The following KDELR1 variants were observed in gnomAD, a reference collection of about 807,000 sequenced individuals.
The protein encoded by KDELR1 is ER lumen protein-retaining receptor 1.
Under a neutral mutation model 25.5 loss-of-function variants are expected in KDELR1, and 16 were observed. The ratio of observed to expected loss-of-function variants is 0.63; its 90% confidence interval spans 0.43 to 0.95. The LOEUF is 0.95. Ranked by LOEUF, KDELR1 falls within the 40% of genes least tolerant of loss-of-function variation. The pLI is 0.00. For missense variants in KDELR1, 159 were observed against 265.2 expected (o/e 0.60, Z 2.78); for synonymous variants, 121 against 115.0 (o/e 1.05, Z -0.33).
At chr19:48,396,297 G>C (rs276712), upstream of KDELR1, among the ~76,000 whole-genome samples, 32,907 of 151,940 alleles carry the variant, frequency 0.22, 3,859 homozygotes, top group East Asian at 0.35. Flanking sequence ...GCCCTGGAGT[G>C]GGGGAGGCTG....
At chr19:48,394,514 C>T (rs1970610361), upstream of KDELR1, among the ~76,000 whole-genome samples, 1 of 133,658 alleles carries the variant, frequency 7.5e-6, no homozygotes, top group African/African-American at 2.9e-5. The surrounding 1 kb of genome is among the most constrained non-coding windows in gnomAD (Gnocchi z 5.1). Flanking sequence ...AGAGGCGGGA[C>T]TGGACACATG....
upstream of KDELR1, among the ~76,000 whole-genome samples, chr19:48,394,193 G>A (rs1260371311): frequency 6.7e-6 from 1 of 149,052 alleles, no homozygotes; most frequent in East Asian, 1.9e-4. The surrounding 1 kb of genome is among the most constrained non-coding windows in gnomAD (Gnocchi z 5.1). Context: ...GTGTGTGTGT[G>A]TCTGTGTGTG....
chr19:48,387,669 A>G (rs1970507194), intron 3 of KDELR1: 1 of 150,282 alleles, frequency 6.7e-6, no homozygotes, highest in Admixed American at 6.7e-5. Flanking sequence ...CGACAGAATG[A>G]GAGTCCATCT....
Position 48,383,045 on chromosome 19 carries a change from T to C in KDELR1, c.*248A>G. ...GTAGAAGAAAAACGAGTCATCAGAA[T>C]CAAAAACTAAAGAGTGGAAAGATTT... On this transcript the variant is annotated 3_prime_UTR_variant, in exon 5 of 5. Coordinates refer to ENST00000330720, the MANE Select transcript of KDELR1 (RefSeq NM_006801.3). The C allele has an allele frequency of 1.8e-6, 1 of 563,608 alleles. No homozygotes were observed. The highest frequency in any genetic ancestry group is 3.0e-5 in the East Asian group (1 of 33,304). 34.9% of individuals were successfully genotyped at this position (563,608 alleles called of 1,614,324 possible).
chr19:48,387,981 C>G (rs1167970662), intron 3 of KDELR1, among the ~76,000 whole-genome samples: 1 of 152,184 alleles, frequency 6.6e-6, no homozygotes, highest in Non-Finnish European at 1.5e-5. Flanking sequence ...GAATAAAAAT[C>G]ATTAACAGCG....
intron 3 of KDELR1, among the ~76,000 whole-genome samples, chr19:48,387,486 C>T (rs1369259851): frequency 1.3e-5 from 2 of 151,910 alleles, no homozygotes; most frequent in African/African-American, 4.8e-5. Flanking sequence ...AGTTCAAGAC[C>T]AGCCTGTCAA....
chr19:48,383,403 C>A, intron 4 of KDELR1, 76 bp from the exon 5 acceptor site: 1 of 1,357,614 alleles, frequency 7.4e-7, no homozygotes. Context: ...ACAGCCAGAG[C>A]AGGGCAGGCA....
At position 48,391,407 on chromosome 19, in the gene KDELR1, G is replaced by T; in HGVS notation, c.-49C>A. 1 of 1,475,520 alleles carries T rather than the reference G, an allele frequency of 6.8e-7. No homozygotes were observed. Among genetic ancestry groups the T allele is most frequent in the African/African-American group, 1.4e-5 (1 of 71,622 alleles). 91.4% of individuals were successfully genotyped at this position (1,475,520 alleles called of 1,614,324 possible). A position where few individuals can be genotyped will look rare whatever the true frequency, so the allele number is the denominator to read the frequency against. On this transcript the variant is annotated 5_prime_UTR_variant, in exon 1 of 5. Transcript: ENST00000330720. ...GAGCGGGAGGGAGGCAGGCTGGCGG[G>T]GGGGTGCCCCCCGAGGCTGCTGGTC...
upstream of KDELR1, chr19:48,391,627 C>T (rs1444565657): frequency 1.3e-5 from 6 of 477,376 alleles, no homozygotes; most frequent in African/African-American, 9.9e-5. Flanking sequence ...ATCCCCGGCG[C>T]CCCCTATCGC....
chr19:48,397,282 TTCTC>T, the KDELR1 span, among the ~76,000 whole-genome samples: 5 of 151,990 alleles, frequency 3.3e-5, no homozygotes, highest in Non-Finnish European at 4.4e-5. Context: ...CCCCACTAAT[TTCTC>T]TCTTTCTCTC....
At position 48,384,657 on chromosome 19, in the gene KDELR1, A is replaced by G. The variant is rs1320682879; in HGVS notation, c.352-175T>C. Among the ~76,000 whole-genome samples, 1 of 152,140 alleles carries G rather than the reference A, an allele frequency of 6.6e-6. No homozygotes were observed. Among genetic ancestry groups the G allele is most frequent in the African/African-American group, 2.4e-5 (1 of 41,408 alleles). ...TACTGGTACCTCTGATTTAATCATCACCATGGCCCGGCGAGGAGATCCTAT... is the reference window on the plus strand; with the variant it reads ...TACTGGTACCTCTGATTTAATCATCGCCATGGCCCGGCGAGGAGATCCTAT... On this transcript the variant is annotated intron_variant, in intron 3 of 4. Coordinates refer to ENST00000330720, the MANE Select transcript of KDELR1 (RefSeq NM_006801.3). The surrounding 1 kb of genome is among the most constrained non-coding windows in gnomAD (Gnocchi z 4.6).
rs376885514 is a variant in KDELR1 at position 48,391,396 on chromosome 19, C to A, written c.-38G>T. On this transcript the variant is annotated 5_prime_UTR_variant, in exon 1 of 5. Coordinates refer to ENST00000330720, the MANE Select transcript of KDELR1 (RefSeq NM_006801.3). ...CTGGCAGGGCTGAGCGGGAGGGAGG[C>A]AGGCTGGCGGGGGGGTGCCCCCCGA... The A allele has an allele frequency of 5.3e-6, 8 of 1,519,032 alleles. No individual in the cohort carries two copies. The African/African-American group carries it at 6.9e-5, about 13-fold the overall frequency. 94.1% of individuals were successfully genotyped at this position (1,519,032 alleles called of 1,614,324 possible). A position where few individuals can be genotyped will look rare whatever the true frequency, so the allele number is the denominator to read the frequency against.
Position 48,391,452 on chromosome 19 carries a change from G to C in KDELR1, c.-94C>G, listed in dbSNP as rs1010111761. 3.0e-6 allele frequency: 3 copies of C among 1,009,622 alleles called. No individual in the cohort carries two copies. Among genetic ancestry groups the C allele is most frequent in the Non-Finnish European group, 4.5e-6 (3 of 662,718 alleles). The allele number at this position is 1,009,622 out of a possible 1,614,324, so 62.5% of individuals were successfully genotyped here. A position where few individuals can be genotyped will look rare whatever the true frequency, so the allele number is the denominator to read the frequency against. On this transcript the variant is annotated 5_prime_UTR_variant, in exon 1 of 5. Coordinates refer to ENST00000330720, the MANE Select transcript of KDELR1 (RefSeq NM_006801.3). ...CTGGTCTGAACGGGTAGCTGGGCTG[G>C]GGGGACGGAAGAGGGACCCTAGGTG...
chr19:48,390,659 C>G, intron 1 of KDELR1, 135 bp from the exon 2 acceptor site: 1 of 635,606 alleles, frequency 1.6e-6, no homozygotes, highest in Non-Finnish European at 2.7e-6. Flanking sequence ...GGCAGGGCGC[C>G]CGGGACCAGC....
intron 3 of KDELR1, among the ~76,000 whole-genome samples, chr19:48,385,584 GGAA>G (rs1180581937): frequency 6.6e-6 from 1 of 152,172 alleles, no homozygotes; most frequent in African/African-American, 2.4e-5. Context: ...CATGGGACAG[GGAA>G]GAAGACATCT....
chr19:48,384,292 A>T lies in KDELR1; in HGVS notation c.542T>A (p.Ile181Asn). 6.2e-7 allele frequency: 1 copy of T among 1,614,236 alleles called. No individual in the cohort carries two copies. Among genetic ancestry groups the T allele is most frequent in the Non-Finnish European group, 8.5e-7 (1 of 1,180,044 alleles). The part of the protein sequence containing the change: ...HFEGFFDLIA[I>N]VAGLVQTVLY... ...GACTGTCTGGACCAGGCCTGCCACA[A>T]TGGCGATGAGGTCGAAGAAGCCCTC... The change falls in exon 4 of 5, where the codon ATT becomes AAT. Residue 181 changes from isoleucine to asparagine, a missense_variant. Physicochemically the swap from Ile to Asn is moderately radical, Grantham distance 149. Transcript: ENST00000330720. The surrounding 1 kb of genome is among the most constrained non-coding windows in gnomAD (Gnocchi z 4.6).
rs377235977 is a variant in KDELR1 at position 48,390,391 on chromosome 19, G to T, written c.192+33C>A. 61 of 1,504,962 alleles carry T rather than the reference G, an allele frequency of 4.1e-5. No homozygotes were observed. In the African/African-American group the frequency reaches 7.6e-4, roughly 19 times the overall value. 93.2% of individuals were successfully genotyped at this position (1,504,962 alleles called of 1,614,324 possible). A position where few individuals can be genotyped will look rare whatever the true frequency, so the allele number is the denominator to read the frequency against. ...ACCCACACCCGGCTCCTCTGCCTCA[G>T]TGGGGGCCAGAGAGGTGGGGTGGAG... On this transcript the variant is annotated intron_variant, in intron 2 of 4. Transcript: ENST00000330720.
At chr19:48,394,235 G>A (rs947297758), upstream of KDELR1, among the ~76,000 whole-genome samples, 6 of 151,980 alleles carry the variant, frequency 3.9e-5, no homozygotes, top group South Asian at 1.2e-3. This position sits in a 1 kb window ranked among gnomAD's most constrained non-coding sequence, Gnocchi z 5.1. Flanking sequence ...GGTGTTGAGG[G>A]GGAATCCCAG....
intron 1 of KDELR1, chr19:48,390,800 C>T (rs1569053576): frequency 4.2e-6 from 2 of 477,524 alleles, no homozygotes; most frequent in Admixed American, 7.0e-5. Context: ...CCCGAGGCTC[C>T]GTCCCAGACT....
Sources: allele counts gnomAD v4.1 joint callset (sites outside exome capture counted in the v4.1 genomes callset), GRCh38; gene constraint gnomAD v4.1.1; non-coding constraint Gnocchi (gnomAD v3.1); transcripts MANE v1.5; gene names NCBI Gene and HGNC (gene_info 2026-07-23, HGNC 2026-07-21).